The following CNOT6L variants were observed in gnomAD, a reference collection of about 807,000 sequenced individuals.
CNOT6L encodes CCR4-NOT transcription complex subunit 6-like.
In CNOT6L, 7 loss-of-function variants were observed where a neutral mutation model predicts 64.0. The observed-to-expected ratio is 0.11, with a 90% CI of 0.06 to 0.21. CNOT6L has a LOEUF of 0.21. Among genes scored for constraint, CNOT6L ranks in the 10% least tolerant of loss-of-function variants. The pLI is 1.00. For synonymous variants in CNOT6L, 193 were observed against 243.4 expected, an observed-to-expected ratio of 0.79 and a Z score of 1.93; for missense variants, 245 against 669.0, an observed-to-expected ratio of 0.37 and a Z score of 6.99.
chr4:77,759,009 T>TC (rs1160587950), intron 4 of CNOT6L, among the ~76,000 whole-genome samples: 1 of 151,490 alleles, frequency 6.6e-6, no homozygotes, highest in Non-Finnish European at 1.5e-5. Flanking sequence ...GGGCACTTCC[T>TC]CCCCCTCCGC....
intron 11 of CNOT6L, among the ~76,000 whole-genome samples, chr4:77,721,273 C>G (rs1721245948): frequency 6.6e-6 from 1 of 152,128 alleles, no homozygotes; most frequent in South Asian, 2.1e-4. Context: ...AAAGACAACT[C>G]AGCAAAAATC....
At chr4:77,779,802 A>G (rs1728648891) in intron 1 of CNOT6L, among the ~76,000 whole-genome samples, 2 of 152,284 alleles carry the variant, frequency 1.3e-5, no homozygotes, top group African/African-American at 2.4e-5. Context: ...TCTACCAAAA[A>G]AAATACAAAA....
intron 5 of CNOT6L, among the ~76,000 whole-genome samples, chr4:77,750,362 GT>G (rs147148309): frequency 1.0e-4 from 15 of 150,732 alleles, no homozygotes; most frequent in African/African-American, 3.7e-4. Context: ...AAGTCAGTTT[GT>G]TTTTTTTTGA....
chr4:77,808,834 A>G (rs1732567592), intron 1 of CNOT6L, among the ~76,000 whole-genome samples: 2 of 152,158 alleles, frequency 1.3e-5, no homozygotes, highest in Admixed American at 1.3e-4. Context: ...GTCACTTAGC[A>G]TATTCTGCCT....
intron 1 of CNOT6L, among the ~76,000 whole-genome samples, chr4:77,791,444 G>A (rs1433295129): frequency 1.3e-5 from 2 of 151,914 alleles, no homozygotes; most frequent in African/African-American, 4.8e-5. Context: ...TTAATAAAAT[G>A]AGAAAATACT....
chr4:77,736,520 C>A (rs1418451388), intron 8 of CNOT6L, among the ~76,000 whole-genome samples: 9 of 118,754 alleles, frequency 7.6e-5, no homozygotes, highest in Non-Finnish European at 1.7e-4. Context: ...AAACCAAATG[C>A]ACTCTATTCT....
At chr4:77,781,185 T>C (rs1451245867) in intron 1 of CNOT6L, among the ~76,000 whole-genome samples, 1 of 150,442 alleles carries the variant, frequency 6.6e-6, no homozygotes, top group African/African-American at 2.5e-5. Flanking sequence ...TGTCAGGGGG[T>C]AGGGGGCAAG....
Position 77,714,461 on chromosome 4 carries a change from A to T in CNOT6L, c.*5970T>A, listed in dbSNP as rs1218733944. On this transcript the variant is annotated 3_prime_UTR_variant, in exon 12 of 12. Coordinates refer to ENST00000504123, the MANE Select transcript of CNOT6L (RefSeq NM_144571.3). ...TTTAAAAAAAAAAAAAAAAAAAAAAAAAAAAAAAAAAAAAGCCCTCCATAC... is the reference window on the plus strand; with the variant it reads ...TTTAAAAAAAAAAAAAAAAAAAAAATAAAAAAAAAAAAAAGCCCTCCATAC... 1.5e-4 allele frequency: 1 copy of T among 6,668 alleles called. No homozygotes were observed. The highest frequency in any genetic ancestry group is 2.6e-3 in the Admixed American group (1 of 384). 0.4% of individuals were successfully genotyped at this position (6,668 alleles called of 1,614,324 possible).
rs1193284066 is a variant in CNOT6L at position 77,768,474 on chromosome 4, A to AATATATATAT, written c.400+4597_400+4606dup. Among the ~76,000 whole-genome samples the AATATATATAT allele has an allele frequency of 7.7e-3, 99 of 12,926 alleles. 1 individual carries two copies. Among genetic ancestry groups the AATATATATAT allele is most frequent in the Middle Eastern group, 0.031 (1 of 32 alleles). 8.5% of individuals were successfully genotyped at this position (12,926 alleles called of 152,430 possible). A position where few individuals can be genotyped will look rare whatever the true frequency, so the allele number is the denominator to read the frequency against. ...AGTGAGACTCTGTCTAAAATAAATA[A>AATATATATAT]ATATATATATATATATATATATATA... On this transcript the variant is annotated intron_variant, in intron 4 of 11. Transcript: ENST00000504123.
chr4:77,812,845 C>T (rs932560837), intron 1 of CNOT6L, among the ~76,000 whole-genome samples: 1 of 151,956 alleles, frequency 6.6e-6, no homozygotes, highest in Non-Finnish European at 1.5e-5. Context: ...TATGGAAACA[C>T]AAGAGATTCA....
chr4:77,750,509 A>G (rs1316209174), intron 5 of CNOT6L, among the ~76,000 whole-genome samples: 1 of 151,650 alleles, frequency 6.6e-6, no homozygotes, highest in African/African-American at 2.4e-5. Flanking sequence ...CCACCACCAC[A>G]CCCAGCTAAT....
At chr4:77,751,065 A>G (rs1393207195) in intron 5 of CNOT6L, among the ~76,000 whole-genome samples, 1 of 152,222 alleles carries the variant, frequency 6.6e-6, no homozygotes, top group Non-Finnish European at 1.5e-5. Context: ...ACCAACAGAC[A>G]CCAACACTGA....
chr4:77,779,727 C>T (rs1277458688), intron 1 of CNOT6L, among the ~76,000 whole-genome samples: 2 of 152,064 alleles, frequency 1.3e-5, no homozygotes, highest in African/African-American at 2.4e-5. Flanking sequence ...TTTGGGAGGC[C>T]GAGGCGGGCA....
chr4:77,717,168 C>T lies in CNOT6L; in HGVS notation c.*3263G>A, dbSNP rs891397229. On this transcript the variant is annotated 3_prime_UTR_variant, in exon 12 of 12. Coordinates refer to ENST00000504123, the MANE Select transcript of CNOT6L (RefSeq NM_144571.3). ...CAGTGCTGTTGCTTAAAAGTTGACA[C>T]CAGGCACAATATTTTAAAACAAAAT... 6.6e-6 allele frequency: 1 copy of T among 152,386 alleles called. No homozygotes were observed. The highest frequency in any genetic ancestry group is 1.5e-5 in the Non-Finnish European group (1 of 67,998). The allele number at this position is 152,386 out of a possible 1,614,324, so 9.4% of individuals were successfully genotyped here.
At chr4:77,723,171 G>A (rs1721473849) in intron 11 of CNOT6L, among the ~76,000 whole-genome samples, 1 of 152,140 alleles carries the variant, frequency 6.6e-6, no homozygotes, top group Non-Finnish European at 1.5e-5. Context: ...GCAGTAGTAG[G>A]TTTGAATTAA....
At chr4:77,783,120 G>T (rs1729055801) in intron 1 of CNOT6L, among the ~76,000 whole-genome samples, 1 of 113,188 alleles carries the variant, frequency 8.8e-6, no homozygotes. Flanking sequence ...AATTCCAAGT[G>T]TTCATGACAT....
intron 11 of CNOT6L, among the ~76,000 whole-genome samples, chr4:77,721,437 A>G (rs2109850454): frequency 6.6e-6 from 1 of 152,320 alleles, no homozygotes; most frequent in Middle Eastern, 3.4e-3. Flanking sequence ...GTTCCTATTC[A>G]TATCAAGATA....
intron 1 of CNOT6L, among the ~76,000 whole-genome samples, chr4:77,813,655 T>TA (rs1341113785): frequency 1.3e-5 from 2 of 152,006 alleles, no homozygotes; most frequent in African/African-American, 4.8e-5. Flanking sequence ...CAACAGCACA[T>TA]AAAAAGCATC....
At chr4:77,776,512 T>C in intron 1 of CNOT6L, 120 bp from the exon 2 acceptor site, 1 of 663,618 alleles carries the variant, frequency 1.5e-6, no homozygotes, top group East Asian at 2.9e-5. Flanking sequence ...CATTTTATAC[T>C]ACAAATTCTC....
Sources: allele counts gnomAD v4.1 joint callset (sites outside exome capture counted in the v4.1 genomes callset), GRCh38; gene constraint gnomAD v4.1.1; transcripts MANE v1.5; gene names NCBI Gene and HGNC (gene_info 2026-07-23, HGNC 2026-07-21).